Variants in TMEM108 observed in about 807,000 individuals in gnomAD.
TMEM108 encodes the protein transmembrane protein 108, also known as cancer/testis antigen 124.
In TMEM108, 12 loss-of-function variants were observed where a neutral mutation model predicts 35.1. That is an observed-to-expected ratio of 0.34 (90% CI 0.22 to 0.55). The LOEUF (loss-of-function observed/expected upper bound fraction) is 0.55, where lower values mean the gene tolerates loss of function less well. Ranked by LOEUF, TMEM108 falls within the 20% of genes least tolerant of loss-of-function variation. The pLI is 0.89. For missense variants in TMEM108, 680 were observed against 753.3 expected, an observed-to-expected ratio of 0.90 and a Z score of 1.14; for synonymous variants, 287 against 308.6, an observed-to-expected ratio of 0.93 and a Z score of 0.73.
At chr3:133,191,479 G>A (rs1450837974) in intron 2 of TMEM108, among the ~76,000 whole-genome samples, 1 of 152,114 alleles carries the variant, frequency 6.6e-6, no homozygotes. Context: ...AACAGTAGGT[G>A]ACAATCATAC....
intron 2 of TMEM108, among the ~76,000 whole-genome samples, chr3:133,180,597 A>G (rs1347774585): frequency 2.0e-5 from 3 of 152,136 alleles, no homozygotes; most frequent in Non-Finnish European, 4.4e-5. Context: ...CTAATTCCTA[A>G]TATTTAATAT....
At chr3:133,221,452 A>G (rs1310332641) in intron 2 of TMEM108, among the ~76,000 whole-genome samples, 1 of 152,182 alleles carries the variant, frequency 6.6e-6, no homozygotes, top group Non-Finnish European at 1.5e-5. Flanking sequence ...TGGCACTCCT[A>G]TCACTCAGTA....
intron 2 of TMEM108, among the ~76,000 whole-genome samples, chr3:133,090,741 G>A (rs568884789): frequency 5.9e-5 from 9 of 152,166 alleles, no homozygotes; most frequent in African/African-American, 1.7e-4. Context: ...CATGCATATA[G>A]GGATATATTT....
chr3:133,053,938 G>C (rs905543501), intron 2 of TMEM108, among the ~76,000 whole-genome samples: 1 of 152,150 alleles, frequency 6.6e-6, no homozygotes, highest in Non-Finnish European at 1.5e-5. Context: ...CTATCATCCT[G>C]ATGGTTAAAC....
chr3:133,232,081 G>T (rs1158334429), intron 3 of TMEM108, among the ~76,000 whole-genome samples: 2 of 152,146 alleles, frequency 1.3e-5, no homozygotes, highest in Non-Finnish European at 2.9e-5. Flanking sequence ...GCTAAGATAG[G>T]GAGAGTTCTA....
intron 2 of TMEM108, among the ~76,000 whole-genome samples, chr3:133,190,881 A>C (rs181860835): frequency 6.2e-4 from 94 of 152,202 alleles, no homozygotes; most frequent in African/African-American, 2.1e-3. Context: ...ATGTTACTGG[A>C]GGTAATCACT....
chr3:133,075,342 G>T (rs1943727051), intron 2 of TMEM108, among the ~76,000 whole-genome samples: 1 of 152,202 alleles, frequency 6.6e-6, no homozygotes, highest in Non-Finnish European at 1.5e-5. Flanking sequence ...GTTCTTGGGG[G>T]TTACTGTTTC....
chr3:133,382,551 G>A (rs1414008113), intron 4 of TMEM108, among the ~76,000 whole-genome samples: 1 of 152,230 alleles, frequency 6.6e-6, no homozygotes, highest in African/African-American at 2.4e-5. Context: ...GGCTACGGAA[G>A]AGGGAGCCGA....
At chr3:133,078,396 C>T (rs531365101) in intron 2 of TMEM108, among the ~76,000 whole-genome samples, 6 of 152,068 alleles carry the variant, frequency 3.9e-5, no homozygotes, top group South Asian at 4.2e-4. Flanking sequence ...TGTCTGATAC[C>T]CTTGTGGCAA....
At chr3:133,382,601 C>A (rs2073042336) in intron 4 of TMEM108, among the ~76,000 whole-genome samples, 1 of 152,262 alleles carries the variant, frequency 6.6e-6, no homozygotes, top group Non-Finnish European at 1.5e-5. Context: ...GCAGCCAGCA[C>A]TGGCATCAGC....
At chr3:133,222,968 A>G (rs186128267) in intron 2 of TMEM108, among the ~76,000 whole-genome samples, 35 of 152,090 alleles carry the variant, frequency 2.3e-4, no homozygotes, top group African/African-American at 7.2e-4. Context: ...CCATAGGCAC[A>G]CATCACCATG....
At chr3:133,289,795 C>A (rs947780266) in intron 3 of TMEM108, among the ~76,000 whole-genome samples, 3 of 152,074 alleles carry the variant, frequency 2.0e-5, no homozygotes, top group African/African-American at 7.2e-5. Flanking sequence ...TTGGACCTAA[C>A]CAAGGGCCAC....
At chr3:133,160,180 T>C (rs1413190648) in intron 2 of TMEM108, among the ~76,000 whole-genome samples, 1 of 152,230 alleles carries the variant, frequency 6.6e-6, no homozygotes, top group Non-Finnish European at 1.5e-5. Context: ...CTGCTCCTTT[T>C]GTGGGTCACT....
At chr3:133,265,433 A>G (rs1946683771) in intron 3 of TMEM108, among the ~76,000 whole-genome samples, 1 of 152,244 alleles carries the variant, frequency 6.6e-6, no homozygotes. Context: ...TTTCGGCACT[A>G]GCACTTGCAG....
chr3:133,249,784 A>C (rs931369120), intron 3 of TMEM108, among the ~76,000 whole-genome samples: 3 of 152,170 alleles, frequency 2.0e-5, no homozygotes, highest in Non-Finnish European at 4.4e-5. Flanking sequence ...AAGTACCATA[A>C]TTTTAAATTA....
intron 2 of TMEM108, among the ~76,000 whole-genome samples, chr3:133,179,520 G>A (rs1945296023): frequency 1.3e-5 from 2 of 151,964 alleles, no homozygotes; most frequent in Non-Finnish European, 1.5e-5. Context: ...CATGGATGAA[G>A]CTGGAAACCA....
intron 3 of TMEM108, among the ~76,000 whole-genome samples, chr3:133,279,265 C>T (rs1946880125): frequency 6.6e-6 from 1 of 152,226 alleles, no homozygotes; most frequent in African/African-American, 2.4e-5. Flanking sequence ...CGACAATCAG[C>T]TATGAGTTTT....
At chr3:133,322,789 T>C (rs2071282779) in intron 3 of TMEM108, among the ~76,000 whole-genome samples, 1 of 151,992 alleles carries the variant, frequency 6.6e-6, no homozygotes, top group South Asian at 2.1e-4. Context: ...GCTAACCAAA[T>C]CAAACAACGT....
chr3:133,278,458 A>G (rs140088665), intron 3 of TMEM108, among the ~76,000 whole-genome samples: 18 of 152,372 alleles, frequency 1.2e-4, no homozygotes, highest in African/African-American at 3.1e-4. Context: ...AGGTGATTTC[A>G]TCATGCTAAC....
Sources: allele counts gnomAD v4.1 joint callset (sites outside exome capture counted in the v4.1 genomes callset), GRCh38; gene constraint gnomAD v4.1.1; transcripts MANE v1.5; gene names NCBI Gene and HGNC (gene_info 2026-07-23, HGNC 2026-07-21).